The following ABCC4 variants were observed in gnomAD, a reference collection of about 807,000 sequenced individuals.
ABCC4 encodes the protein ATP binding cassette subfamily C member 4 (PEL blood group), also known as ATP-binding cassette sub-family C member 4.
ABCC4 carries 102 observed loss-of-function variants against 168.5 expected under a neutral mutation model. That is an observed-to-expected ratio of 0.61 (90% CI 0.52 to 0.71). ABCC4 has a LOEUF of 0.71. ABCC4 is among the 30% of genes least tolerant of loss of function. The pLI, the probability that ABCC4 is intolerant of heterozygous loss-of-function variation, is 0.00. For synonymous variants in ABCC4, 617 were observed against 590.7 expected (o/e 1.04, Z -0.65); for missense variants, 1,402 against 1,605.8 (o/e 0.87, Z 2.17).
rs772768710 is a variant in ABCC4, at chr13:95,234,711, A to G, written c.430T>C (p.Cys144Arg). Residue 144 changes from cysteine to arginine, a missense_variant, in exon 4 of 31, where the codon TGC becomes CGC. By Grantham distance (180) the Cys-to-Arg change is radical. Transcript: ENST00000645237. The stretch of plus-strand genomic sequence containing the variant: ...TGCAGTATAGCCAAAATGAGCGTGC[A>G]AAAAGTCAGCACCGTGGCATAGGCG... Reference protein sequence around the residue: ...AYAYATVLTFCTLILAILHHL... With the variant: ...AYAYATVLTFRTLILAILHHL... 3 of 1,614,154 alleles carry G rather than the reference A, an allele frequency of 1.9e-6. No individual in the cohort carries two copies. The highest frequency in any genetic ancestry group is 2.5e-6 in the Non-Finnish European group (3 of 1,180,002).
In ABCC4 at chr13:95,042,699, T is replaced by C. The variant is rs545422523; in HGVS notation, c.3735+983A>G. Among the ~76,000 whole-genome samples, 165 of 152,378 alleles carry C rather than the reference T, an allele frequency of 1.1e-3. 3 individuals are homozygous for C. In the South Asian group the frequency reaches 0.033, roughly 30 times the overall value. On this transcript the variant is annotated intron_variant, in intron 29 of 30. Coordinates refer to ENST00000645237, the MANE Select transcript of ABCC4 (RefSeq NM_005845.5). ...ATGGATCAAGAAGATGCTTGTGAAC[T>C]AGACATTTATGTGGTCAGAAGCTGA...
At chr13:95,219,284 C>T (rs1290080804) in intron 4 of ABCC4, among the ~76,000 whole-genome samples, 3 of 151,980 alleles carry the variant, frequency 2.0e-5, no homozygotes, top group African/African-American at 4.8e-5. Context: ...ACTGGTTTAT[C>T]GACTGAGAGG....
Position 95,176,223 on chromosome 13 carries a change from C to CGGGGGGGGGGGGG in ABCC4, c.1727+1483_1727+1484insCCCCCCCCCCCCC, listed in dbSNP as rs1491246023. On this transcript the variant is annotated intron_variant, in intron 13 of 30. Coordinates refer to ENST00000645237, the MANE Select transcript of ABCC4 (RefSeq NM_005845.5). ...TCTCAGCACTCCAGGAAGCCGAGGG[C>CGGGGGGGGGGGGG]AGGGGGGGGGGGGGGGGGGGGGTGG... 1.9e-4 allele frequency among the ~76,000 whole-genome samples: 2 copies of CGGGGGGGGGGGGG among 10,578 alleles called. 1 individual carries two copies. The highest frequency in any genetic ancestry group is 3.1e-4 in the African/African-American group (2 of 6,552). 6.9% of individuals were successfully genotyped at this position (10,578 alleles called of 152,430 possible).
intron 20 of ABCC4, among the ~76,000 whole-genome samples, chr13:95,112,985 A>T (rs1177839998): frequency 3.3e-5 from 5 of 152,128 alleles, no homozygotes; most frequent in Non-Finnish European, 5.9e-5. Context: ...GGCTAAATAA[A>T]CCCTGTAGAA....
chr13:95,272,284 G>C (rs2040866293), intron 1 of ABCC4, among the ~76,000 whole-genome samples: 3 of 122,808 alleles, frequency 2.4e-5, no homozygotes, highest in East Asian at 2.3e-4. Context: ...GACCTCAGGT[G>C]ATCCACTTGG....
chr13:95,029,193 TATATATATATATATATATATAGAG>T (rs1476914798), intron 30 of ABCC4, among the ~76,000 whole-genome samples: 5 of 79,620 alleles, frequency 6.3e-5, no homozygotes, highest in African/African-American at 2.8e-4. Flanking sequence ...TATATATATA[TATATATATATATATATATATAGAG>T]AGAGAGAGAG....
intron 1 of ABCC4, 143 bp from the exon 2 acceptor site, chr13:95,247,896 A>G (rs2138808581): frequency 1.7e-6 from 1 of 579,886 alleles, no homozygotes; most frequent in African/African-American, 2.3e-5. Context: ...ATATAGAGCT[A>G]GAGAGAGAAA....
At chr13:95,280,576 A>T (rs1199463337) in intron 1 of ABCC4, among the ~76,000 whole-genome samples, 7 of 17,306 alleles carry the variant, frequency 4.0e-4, no homozygotes, top group Non-Finnish European at 1.5e-3. Context: ...TTCTATTAAA[A>T]AAAAAAAAAA....
intron 3 of ABCC4, among the ~76,000 whole-genome samples, chr13:95,237,316 A>T (rs1279189301): frequency 6.6e-6 from 1 of 152,190 alleles, no homozygotes; most frequent in African/African-American, 2.4e-5. Context: ...CCTTCAACTA[A>T]TAAGAAACGA....
chr13:95,218,985 G>GAA (rs1431739821), intron 4 of ABCC4, among the ~76,000 whole-genome samples: 387 of 23,458 alleles, frequency 0.016, 20 homozygotes, highest in East Asian at 0.041. Context: ...AAGAAAGAAA[G>GAA]AGTGAGAAAG....
chr13:95,092,969 A>G (rs1408522386), intron 20 of ABCC4, among the ~76,000 whole-genome samples: 2 of 152,178 alleles, frequency 1.3e-5, no homozygotes, highest in South Asian at 2.1e-4. Flanking sequence ...CTGGAAAAAT[A>G]CAACCCTCCT....
intron 1 of ABCC4, among the ~76,000 whole-genome samples, chr13:95,290,103 A>G (rs1281783629): frequency 8.8e-6 from 1 of 113,700 alleles, no homozygotes; most frequent in Non-Finnish European, 2.1e-5. Flanking sequence ...TCTCAAAAAA[A>G]ATAGATAGAT....
chr13:95,239,282 G>C (rs772206975), intron 3 of ABCC4, among the ~76,000 whole-genome samples: 2 of 152,184 alleles, frequency 1.3e-5, no homozygotes, highest in South Asian at 4.1e-4. Flanking sequence ...TTAGGCTAGG[G>C]AGAAAAAAGA....
Position 95,186,819 on chromosome 13 carries a change from G to T in ABCC4, c.1427C>A (p.Ala476Asp). The T allele has an allele frequency of 6.2e-7, 1 of 1,614,040 alleles. No homozygotes were observed. The highest frequency in any genetic ancestry group is 8.5e-7 in the Non-Finnish European group (1 of 1,180,002). The change falls in exon 11 of 31, where the codon GCC becomes GAC. Residue 476 changes from alanine (A) to aspartate (D), a missense_variant. Transcript: ENST00000645237. ...CACCCAGGGCTGCTGAGACACATAG[G>T]CAATTCTTCCATGCACGCTGACCAG... ...HGLVSVHGRI[A>D]YVSQQPWVFS...
chr13:95,287,825 G>A (rs371268064), intron 1 of ABCC4, among the ~76,000 whole-genome samples: 9 of 151,870 alleles, frequency 5.9e-5, no homozygotes, highest in African/African-American at 7.2e-5. Context: ...GGCAGATCAC[G>A]AAGTTAGGAG....
chr13:95,167,812 T>C (rs114768847), intron 14 of ABCC4, among the ~76,000 whole-genome samples: 16,189 of 151,956 alleles, frequency 0.11, 911 homozygotes, highest in Middle Eastern at 0.15. Flanking sequence ...AGGGGCTGGG[T>C]CGACAGCAAG....
chr13:95,289,570 C>A (rs938196638), intron 1 of ABCC4, among the ~76,000 whole-genome samples: 4 of 152,152 alleles, frequency 2.6e-5, no homozygotes, highest in South Asian at 2.1e-4. Context: ...CGGAGCAATC[C>A]CCCTTCTCCC....
chr13:95,120,060 C>A (rs955217445), intron 19 of ABCC4, among the ~76,000 whole-genome samples: 29 of 151,722 alleles, frequency 1.9e-4, no homozygotes, highest in African/African-American at 6.8e-4. Context: ...TCCCGTATCT[C>A]AAGATTTTGA....
chr13:95,164,282 C>T, intron 16 of ABCC4, 96 bp downstream of exon 16: 1 of 1,469,946 alleles, frequency 6.8e-7, no homozygotes, highest in Non-Finnish European at 9.3e-7. Context: ...CATTTCAATT[C>T]AGACCCCAAG....
Sources: gnomAD v4.1 joint callset for allele counts (sites outside exome capture counted in the v4.1 genomes callset) on GRCh38, gnomAD v4.1.1 for gene constraint, MANE v1.5 for transcripts, NCBI Gene and HGNC (gene_info 2026-07-23, HGNC 2026-07-21) for gene names.